SNRPC: variants seen among roughly 807,000 people sequenced by gnomAD.
SNRPC encodes small nuclear ribonucleoprotein polypeptide C, also known as U1 small nuclear ribonucleoprotein C.
In SNRPC, 5 loss-of-function variants were observed where a neutral mutation model predicts 20.0. That is an observed-to-expected ratio of 0.25 (90% CI 0.13 to 0.53). The LOEUF (loss-of-function observed/expected upper bound fraction) is 0.53. Ranked by LOEUF, SNRPC falls within the 20% of genes least tolerant of loss-of-function variation. SNRPC has a pLI of 0.96. For synonymous variants in SNRPC, 61 were observed against 58.7 expected (o/e 1.04, Z -0.18); for missense variants, 112 against 224.1 (o/e 0.50, Z 3.19).
intron 3 of SNRPC, among the ~76,000 whole-genome samples, chr6:34,766,192 T>C (rs1413544831): frequency 6.6e-6 from 1 of 152,086 alleles, no homozygotes; most frequent in African/African-American, 2.4e-5. Flanking sequence ...TGAATAAACT[T>C]TTTTTATTTA....
chr6:34,768,678 G>C (rs1157936617), intron 4 of SNRPC, among the ~76,000 whole-genome samples: 1 of 151,860 alleles, frequency 6.6e-6, no homozygotes, highest in Admixed American at 6.6e-5. Context: ...CTTGAACCCG[G>C]GTGGTGGGGG....
intron 2 of SNRPC, among the ~76,000 whole-genome samples, chr6:34,761,553 CTG>C: frequency 1.7e-5 from 2 of 120,736 alleles, no homozygotes; most frequent in East Asian, 5.0e-4. Flanking sequence ...CGGAGTATCT[CTG>C]TGTCGCCCAG....
At chr6:34,765,620 G>T (rs185989028) in intron 3 of SNRPC, among the ~76,000 whole-genome samples, 1 of 151,694 alleles carries the variant, frequency 6.6e-6, no homozygotes, top group Non-Finnish European at 1.5e-5. Context: ...TGTATTTTTG[G>T]TAGAAATGAG....
chr6:34,762,729 G>A (rs1474279419), intron 3 of SNRPC, 26 bp downstream of exon 3: 9 of 1,181,122 alleles, frequency 7.6e-6, no homozygotes, highest in Non-Finnish European at 1.1e-5. Flanking sequence ...TTGTTCTGCT[G>A]TGGTAAAATG....
chr6:34,759,357 C>T (rs1487759940), intron 2 of SNRPC, among the ~76,000 whole-genome samples: 2 of 152,064 alleles, frequency 1.3e-5, no homozygotes, highest in African/African-American at 2.4e-5. Context: ...TTCGGGAGGC[C>T]GAGGAAGGAG....
rs199826250 is a variant in SNRPC at position 34,763,550 on chromosome 6, GC to G, written c.160+849del. On this transcript the variant is annotated intron_variant, in intron 3 of 5. Transcript: ENST00000244520. ...ATAAAAATTAGCGGGGCGTGGTGGT[GC>G]CTGCTTCTAATCCCAGCTACTCAGG... 8.4e-3 allele frequency among the ~76,000 whole-genome samples: 1,270 copies of G among 151,410 alleles called. 19 individuals carry two copies. Among genetic ancestry groups the G allele is most frequent in the African/African-American group, 0.027 (1,107 of 41,334 alleles).
intron 2 of SNRPC, among the ~76,000 whole-genome samples, chr6:34,759,963 G>C (rs1270710844): frequency 6.6e-6 from 1 of 152,100 alleles, no homozygotes; most frequent in Non-Finnish European, 1.5e-5. Context: ...ATAGTAGCTG[G>C]AAGAAACTGG....
At position 34,760,120 on chromosome 6, in the gene SNRPC, T is replaced by TC. The variant is rs1303949758; in HGVS notation, c.51+2166_51+2167insC. On this transcript the variant is annotated intron_variant, in intron 2 of 5. Transcript: ENST00000244520. ...TAGTTCTGTATATTATCTTTTTTTT[T>TC]TTTTTTTTTTGAGATGGAGTCTTGC... is the stretch of plus-strand genomic sequence containing the variant. Among the ~76,000 whole-genome samples, 16 of 150,982 alleles carry TC rather than the reference T, an allele frequency of 1.1e-4. No homozygotes were observed. In the East Asian group the frequency reaches 2.9e-3, roughly 27 times the overall value.
intron 5 of SNRPC, among the ~76,000 whole-genome samples, chr6:34,772,165 G>A (rs1018258534): frequency 6.6e-6 from 1 of 152,178 alleles, no homozygotes; most frequent in Non-Finnish European, 1.5e-5. Flanking sequence ...GTGGATAATT[G>A]TTGAAGCTGG....
intron 4 of SNRPC, 35 bp downstream of exon 4, chr6:34,768,032 G>C (rs771938188): frequency 1.9e-6 from 3 of 1,582,696 alleles, no homozygotes; most frequent in African/African-American, 2.7e-5. Flanking sequence ...GGGGTGTGAC[G>C]GGGCAGGCTA....
intron 3 of SNRPC, among the ~76,000 whole-genome samples, chr6:34,765,036 C>G (rs1581591221): frequency 6.6e-6 from 1 of 152,012 alleles, no homozygotes; most frequent in South Asian, 2.1e-4. Context: ...AAAAACTAGA[C>G]AAGCTTAATG....
In SNRPC at chr6:34,760,849, G is replaced by T. The variant is rs547042224; in HGVS notation, c.52-1746G>T. On this transcript the variant is annotated intron_variant, in intron 2 of 5. Transcript: ENST00000244520. Reference sequence around the variant, plus strand: ...ATCACGAGATCAGGAGTTAAAACCAGCCTGGCCAACATAGTGAAACCCCAT... The same window carrying T: ...ATCACGAGATCAGGAGTTAAAACCATCCTGGCCAACATAGTGAAACCCCAT... 5.5e-3 allele frequency among the ~76,000 whole-genome samples: 829 copies of T among 151,880 alleles called. 4 individuals carry two copies. Among genetic ancestry groups the T allele is most frequent in the Non-Finnish European group, 8.5e-3 (579 of 67,950 alleles).
chr6:34,762,817 G>C, intron 3 of SNRPC, 114 bp downstream of exon 3: 2 of 654,424 alleles, frequency 3.1e-6, no homozygotes, highest in Non-Finnish European at 5.5e-6. Flanking sequence ...GGAGCATTTG[G>C]ATGTGTCGAA....
chr6:34,763,365 T>C (rs1317335567), intron 3 of SNRPC, among the ~76,000 whole-genome samples: 1 of 152,152 alleles, frequency 6.6e-6, no homozygotes, highest in African/African-American at 2.4e-5. Context: ...CAAGCAAATA[T>C]GGGCTTTGTG....
intron 3 of SNRPC, among the ~76,000 whole-genome samples, chr6:34,765,735 G>T (rs1367580392): frequency 6.6e-5 from 10 of 151,544 alleles, no homozygotes; most frequent in African/African-American, 2.4e-4. Context: ...GAGCCACCAT[G>T]CCCAGTCACA....
chr6:34,770,446 A>G (rs761805258), intron 5 of SNRPC, 51 bp downstream of exon 5: 12 of 1,187,066 alleles, frequency 1.0e-5, no homozygotes, highest in Admixed American at 7.0e-5. Flanking sequence ...TTTAGTTACT[A>G]TGCATAGCTG....
At chr6:34,759,467 A>C (rs1005595788) in intron 2 of SNRPC, among the ~76,000 whole-genome samples, 2 of 152,242 alleles carry the variant, frequency 1.3e-5, no homozygotes, top group Admixed American at 6.5e-5. Context: ...ATATTTTGGC[A>C]TGCAACACAA....
intron 3 of SNRPC, among the ~76,000 whole-genome samples, chr6:34,765,978 C>G (rs1271121824): frequency 1.3e-5 from 2 of 152,078 alleles, no homozygotes; most frequent in African/African-American, 4.8e-5. Context: ...TGGCCTCAAG[C>G]AATCCTCCTG....
intron 3 of SNRPC, among the ~76,000 whole-genome samples, chr6:34,763,709 TTTA>T (rs930070119): frequency 5.3e-5 from 8 of 150,406 alleles, no homozygotes; most frequent in Non-Finnish European, 1.2e-4. Context: ...ATTTGTATTT[TTTA>T]TTTATTTTTA....
Sources: gnomAD v4.1 joint callset for allele counts (sites outside exome capture counted in the v4.1 genomes callset) on GRCh38, gnomAD v4.1.1 for gene constraint, MANE v1.5 for transcripts, NCBI Gene and HGNC (gene_info 2026-07-23, HGNC 2026-07-21) for gene names.